Variants in IMPACT observed in about 807,000 individuals in gnomAD.
The protein encoded by IMPACT is impact RWD domain protein.
IMPACT carries 35 observed loss-of-function variants against 47.5 expected under a neutral mutation model. The observed-to-expected ratio is 0.74, with a 90% confidence interval of 0.56 to 0.98. IMPACT has a LOEUF of 0.98. Among genes scored for constraint, IMPACT ranks in the 50% least tolerant of loss-of-function variants. The pLI, the probability that IMPACT is intolerant of heterozygous loss-of-function variation, is 0.00. For synonymous variants in IMPACT, 118 were observed against 125.6 expected, an observed-to-expected ratio of 0.94 and a Z score of 0.40; for missense variants, 373 against 394.8, an observed-to-expected ratio of 0.94 and a Z score of 0.47.
At chr18:24,444,005 CT>C (rs1454260958) in intron 7 of IMPACT, among the ~76,000 whole-genome samples, 3 of 152,164 alleles carry the variant, frequency 2.0e-5, no homozygotes, top group Non-Finnish European at 4.4e-5. Flanking sequence ...TCTTGAAGCT[CT>C]TTAAAGCCCT....
intron 4 of IMPACT, among the ~76,000 whole-genome samples, chr18:24,434,299 A>C (rs1908846480): frequency 6.6e-6 from 1 of 151,988 alleles, no homozygotes; most frequent in Non-Finnish European, 1.5e-5. Context: ...CAGTCACTTC[A>C]CTCCAGTCTG....
In IMPACT at chr18:24,427,636, A is replaced by G. The variant is rs1261466316; in HGVS notation, c.37-283A>G. The G allele has an allele frequency of 2.5e-5, 8 of 323,620 alleles. No individual in the cohort carries two copies. The South Asian group carries it at 2.5e-4, about 10-fold the overall frequency. The allele number at this position is 323,620 out of a possible 1,614,324, so 20.0% of individuals were successfully genotyped here. ...ATCTTTTCACGTGTGAATGGTCACT[A>G]CAAAGTATGGGAGTGCATATATATT... is the stretch of plus-strand genomic sequence containing the variant. On this transcript the variant is annotated intron_variant, in intron 1 of 10. Coordinates refer to ENST00000284202, the MANE Select transcript of IMPACT (RefSeq NM_018439.4).
rs767241120 is a variant in IMPACT, at chr18:24,448,155, C to G, written c.731C>G (p.Ala244Gly). 6.2e-7 allele frequency: 1 copy of G among 1,613,200 alleles called. No homozygotes were observed. Among genetic ancestry groups the G allele is most frequent in the South Asian group, 1.1e-5 (1 of 91,056 alleles). The change falls in exon 9 of 11, where the codon GCT becomes GGT. Residue 244 changes from alanine to glycine, a missense_variant. Ala to Gly is a moderately conservative substitution (Grantham distance 60, BLOSUM62 0). Transcript: ENST00000284202. ...TGTGAGGATGATGGGGAAACAGCAGCTGGTGGGCGTCTTCTTCATCTCATG... is the reference window on the plus strand; with the variant it reads ...TGTGAGGATGATGGGGAAACAGCAGGTGGTGGGCGTCTTCTTCATCTCATG... ...QDCEDDGETA[A>G]GGRLLHLMEI...
At position 24,440,503 on chromosome 18, in the gene IMPACT, T is replaced by A. The variant is rs582234; in HGVS notation, c.375T>A (p.Asp125Glu). ...TGTCTCATATTCACATAGGCCCAGA[T>A]GTAAAGAAGAAAACTGAAGAGGAAG... ...QKSQMTEPGPDVKKKTEEEDV... is the reference protein window; with the variant it reads ...QKSQMTEPGPEVKKKTEEEDV... Residue 125 changes from aspartate to glutamate, a missense_variant, in exon 6 of 11, where the codon GAT (aspartate) becomes GAA (glutamate). Asp to Glu is a conservative substitution (Grantham distance 45, BLOSUM62 2). Coordinates refer to ENST00000284202, the MANE Select transcript of IMPACT (RefSeq NM_018439.4). The A allele has an allele frequency of 0.15, 233,961 of 1,611,454 alleles. 18,247 individuals are homozygous for A. Among genetic ancestry groups the A allele is most frequent in the Admixed American group, 0.16 (9,688 of 59,664 alleles).
intron 3 of IMPACT, among the ~76,000 whole-genome samples, chr18:24,429,879 A>G (rs1599760742): frequency 6.6e-6 from 1 of 151,430 alleles, no homozygotes; most frequent in Admixed American, 6.6e-5. Context: ...CCGGGTTCAC[A>G]CCATTTTCCT....
rs990636817 is a variant in IMPACT, at chr18:24,438,894, G to T, written c.367+854G>T. On this transcript the variant is annotated intron_variant, in intron 5 of 10. Coordinates refer to ENST00000284202, the MANE Select transcript of IMPACT (RefSeq NM_018439.4). ...GAAACAGAACCAATTGAATATATGT[G>T]TGTATATACATGTGTGTATGTACCC... Among the ~76,000 whole-genome samples, 7 of 151,806 alleles carry T rather than the reference G, an allele frequency of 4.6e-5. No individual in the cohort carries two copies. In the South Asian group the frequency reaches 1.0e-3, roughly 22 times the overall value.
chr18:24,441,019 C>G (rs1909094657), intron 6 of IMPACT, among the ~76,000 whole-genome samples: 1 of 152,174 alleles, frequency 6.6e-6, no homozygotes, highest in African/African-American at 2.4e-5. Context: ...AAGTGCAGCC[C>G]TGGAAATTAA....
intron 9 of IMPACT, among the ~76,000 whole-genome samples, chr18:24,449,205 A>C (rs1909317874): frequency 6.6e-6 from 1 of 152,100 alleles, no homozygotes; most frequent in Non-Finnish European, 1.5e-5. Context: ...TACTAAAAAA[A>C]CACAAAAATT....
chr18:24,452,304 G>T lies in IMPACT; in HGVS notation c.*1457G>T, dbSNP rs1435553728. The T allele has an allele frequency of 6.6e-6, 1 of 152,094 alleles. No homozygotes were observed. Among genetic ancestry groups the T allele is most frequent in the East Asian group, 1.9e-4 (1 of 5,200 alleles). 9.4% of individuals were successfully genotyped at this position (152,094 alleles called of 1,614,324 possible). The stretch of plus-strand genomic sequence containing the variant: ...ATTTGTTATAACTATATTTTATGTT[G>T]TATGTTATCAGGAGCCATCAGAGAA... On this transcript the variant is annotated 3_prime_UTR_variant, in exon 11 of 11. Coordinates refer to ENST00000284202, the MANE Select transcript of IMPACT (RefSeq NM_018439.4).
chr18:24,443,452 C>T (rs2739103), intron 7 of IMPACT, among the ~76,000 whole-genome samples: 7,138 of 152,152 alleles, frequency 0.047, 272 homozygotes, highest in African/African-American at 0.11. Context: ...ATTGGGATTA[C>T]AGGCATAAGC....
intron 5 of IMPACT, 25 bp from the exon 6 acceptor site, chr18:24,440,471 G>T: frequency 6.2e-7 from 1 of 1,605,028 alleles, no homozygotes; most frequent in East Asian, 2.2e-5. Context: ...GCGTCATAAA[G>T]TAATTGTGTC....
At chr18:24,437,406 G>A (rs1246500879) in intron 4 of IMPACT, among the ~76,000 whole-genome samples, 1 of 152,180 alleles carries the variant, frequency 6.6e-6, no homozygotes, top group Admixed American at 6.6e-5. Flanking sequence ...ATCAATTTAG[G>A]CAATAGAATG....
At chr18:24,427,117 C>A in intron 1 of IMPACT, 1 of 310,832 alleles carries the variant, frequency 3.2e-6, no homozygotes, top group Non-Finnish European at 5.9e-6. Flanking sequence ...TCATCTTGGA[C>A]AAATCACTTA....
rs368147851 is a variant in IMPACT at position 24,443,039 on chromosome 18, A to C, written c.491-10A>C. ...CTTTTTAAAAAATAAAGTTTCTTTTACATTTCTAGAAGTAGAAGTAGAAGA... is the reference window on the plus strand; with the variant it reads ...CTTTTTAAAAAATAAAGTTTCTTTTCCATTTCTAGAAGTAGAAGTAGAAGA... On this transcript the variant is annotated splice_polypyrimidine_tract_variant and intron_variant, in intron 6 of 10. Transcript: ENST00000284202. 8 of 1,447,710 alleles carry C rather than the reference A, an allele frequency of 5.5e-6. No homozygotes were observed. The African/African-American group carries it at 9.9e-5, about 18-fold the overall frequency. 89.7% of individuals were successfully genotyped at this position (1,447,710 alleles called of 1,614,324 possible). A position where few individuals can be genotyped will look rare whatever the true frequency, so the allele number is the denominator to read the frequency against.
chr18:24,434,677 C>T (rs1908856169), intron 4 of IMPACT, among the ~76,000 whole-genome samples: 2 of 150,556 alleles, frequency 1.3e-5, no homozygotes, highest in East Asian at 2.0e-4. Context: ...GCAGGAGAAT[C>T]GCCTGAACCC....
intron 6 of IMPACT, among the ~76,000 whole-genome samples, chr18:24,442,442 C>T (rs1909141503): frequency 6.6e-6 from 1 of 152,132 alleles, no homozygotes. Flanking sequence ...CGTGAGCCAC[C>T]ACGCCCAGCC....
chr18:24,434,353 G>A (rs1297363653), intron 4 of IMPACT, among the ~76,000 whole-genome samples: 1 of 152,036 alleles, frequency 6.6e-6, no homozygotes, highest in Non-Finnish European at 1.5e-5. Context: ...TATATAAAAA[G>A]TAAGCCTGTG....
rs763978857 is a variant in IMPACT, at chr18:24,427,824, C to G, written c.37-95C>G. 11 of 1,230,864 alleles carry G rather than the reference C, an allele frequency of 8.9e-6. No individual in the cohort carries two copies. The African/African-American group carries it at 1.3e-4, about 14-fold the overall frequency. The allele number at this position is 1,230,864 out of a possible 1,614,324, so 76.2% of individuals were successfully genotyped here. ...CTCATCTAGGAATTTTTGATCTACT[C>G]TGGTAATGTTGAATTTGAATACCTT... On this transcript the variant is annotated intron_variant, in intron 1 of 10. Coordinates refer to ENST00000284202, the MANE Select transcript of IMPACT (RefSeq NM_018439.4).
At position 24,453,388 on chromosome 18, in the gene IMPACT, T is replaced by C. The variant is rs1909437034; in HGVS notation, c.*2541T>C. On this transcript the variant is annotated 3_prime_UTR_variant, in exon 11 of 11. Coordinates refer to ENST00000284202, the MANE Select transcript of IMPACT (RefSeq NM_018439.4). ...GTACATCCTTATATTATTTTTTTCT[T>C]ATGCATGATTTTGTATATATGGTTA... The C allele has an allele frequency of 6.6e-6, 1 of 152,202 alleles. No homozygotes were observed. The highest frequency in any genetic ancestry group is 1.5e-5 in the Non-Finnish European group (1 of 68,032). 9.4% of individuals were successfully genotyped at this position (152,202 alleles called of 1,614,324 possible). A position where few individuals can be genotyped will look rare whatever the true frequency, so the allele number is the denominator to read the frequency against.
Sources: gnomAD v4.1 joint callset for allele counts (sites outside exome capture counted in the v4.1 genomes callset) on GRCh38, gnomAD v4.1.1 for gene constraint, MANE v1.5 for transcripts, NCBI Gene and HGNC (gene_info 2026-07-23, HGNC 2026-07-21) for gene names.